AGMO: variants seen among roughly 807,000 people sequenced by gnomAD.
The protein encoded by AGMO is glyceryl-ether monooxygenase.
In AGMO, 75 loss-of-function variants were observed where a neutral mutation model predicts 60.2. That is an observed-to-expected ratio of 1.25 (90% CI 1.03 to 1.51). AGMO has a LOEUF of 1.51. Among genes scored for constraint, AGMO ranks in the 40% most tolerant of loss-of-function variants. The probability of loss-of-function intolerance (pLI) is 0.00; values close to 1 mark genes in which losing one functional copy is unlikely to be tolerated. For synonymous variants in AGMO, 261 were observed against 177.1 expected (o/e 1.47, Z -3.76); for missense variants, 763 against 525.5 (o/e 1.45, Z -4.42).
chr7:15,303,428 G>C (rs1012596663), intron 12 of AGMO, among the ~76,000 whole-genome samples: 13 of 141,722 alleles, frequency 9.2e-5, no homozygotes, highest in African/African-American at 2.8e-4. Context: ...GAAGAGAATG[G>C]AAAAACAGAA....
chr7:15,153,832 G>A, the AGMO span, among the ~76,000 whole-genome samples: 1 of 151,930 alleles, frequency 6.6e-6, no homozygotes, highest in African/African-American at 2.4e-5. Flanking sequence ...CTATTTTTTG[G>A]TTCCATATGA....
intron 3 of AGMO, among the ~76,000 whole-genome samples, chr7:15,457,269 T>C (rs1421591585): frequency 1.3e-5 from 2 of 152,186 alleles, no homozygotes; most frequent in Admixed American, 6.5e-5. Context: ...ATAACTTTGA[T>C]AAATGCATAT....
At chr7:15,410,403 C>T (rs1314688587) in intron 5 of AGMO, among the ~76,000 whole-genome samples, 3 of 151,448 alleles carry the variant, frequency 2.0e-5, no homozygotes, top group Non-Finnish European at 4.4e-5. Flanking sequence ...ACAAAAAAAC[C>T]CTAAACAATG....
At position 15,297,374 on chromosome 7, in the gene AGMO, G is replaced by A. The variant is rs144657388; in HGVS notation, c.1263+68140C>T. On this transcript the variant is annotated intron_variant, in intron 12 of 12. Transcript: ENST00000342526. ...TTACTATTGTAGTTATTGGCATTATGGAATAAAGTTTTAAATGGACTTTTT... is the reference window on the plus strand; with the variant it reads ...TTACTATTGTAGTTATTGGCATTATAGAATAAAGTTTTAAATGGACTTTTT... Among the ~76,000 whole-genome samples, 1,100 of 152,184 alleles carry A rather than the reference G, an allele frequency of 7.2e-3. 14 individuals are homozygous for A. Among genetic ancestry groups the A allele is most frequent in the African/African-American group, 0.025 (1,046 of 41,512 alleles).
At chr7:15,400,932 T>G (rs1784536714) in intron 5 of AGMO, among the ~76,000 whole-genome samples, 1 of 152,100 alleles carries the variant, frequency 6.6e-6, no homozygotes, top group Non-Finnish European at 1.5e-5. Context: ...ATCCTTATGA[T>G]CCGCCCTATC....
intron 3 of AGMO, among the ~76,000 whole-genome samples, chr7:15,443,386 G>A (rs1177025173): frequency 6.6e-6 from 1 of 152,160 alleles, no homozygotes; most frequent in Non-Finnish European, 1.5e-5. Flanking sequence ...AAAGAAGCAA[G>A]CCACGCCCAT....
At chr7:15,201,414 G>T in intron 12 of AGMO, 55 bp from the exon 13 acceptor site, 1 of 1,224,860 alleles carries the variant, frequency 8.2e-7, no homozygotes, top group South Asian at 1.3e-5. Context: ...CAATACTATT[G>T]CTCAACTGAA....
chr7:15,160,029 T>A, the AGMO span, among the ~76,000 whole-genome samples: 1 of 152,182 alleles, frequency 6.6e-6, no homozygotes, highest in Non-Finnish European at 1.5e-5. Flanking sequence ...TGAATGCTAA[T>A]ATATCACTTT....
chr7:15,406,367 C>T (rs1439608515), intron 5 of AGMO, among the ~76,000 whole-genome samples: 2 of 138,444 alleles, frequency 1.4e-5, no homozygotes, highest in Admixed American at 7.3e-5. Flanking sequence ...TGTATATACA[C>T]ACATACATAT....
At chr7:15,370,888 T>C (rs988816101) in intron 10 of AGMO, among the ~76,000 whole-genome samples, 2 of 152,144 alleles carry the variant, frequency 1.3e-5, no homozygotes, top group Admixed American at 6.6e-5. Flanking sequence ...AAGCTCTTTA[T>C]TGTAACTAGG....
rs1196565744 is a variant in AGMO at position 15,201,018 on chromosome 7, G to C, written c.*267C>G. 2 of 275,530 alleles carry C rather than the reference G, an allele frequency of 7.3e-6. No individual in the cohort carries two copies. The highest frequency in any genetic ancestry group is 1.3e-5 in the Non-Finnish European group (2 of 150,264). 17.1% of individuals were successfully genotyped at this position (275,530 alleles called of 1,614,324 possible). A position where few individuals can be genotyped will look rare whatever the true frequency, so the allele number is the denominator to read the frequency against. On this transcript the variant is annotated 3_prime_UTR_variant, in exon 13 of 13. Coordinates refer to ENST00000342526, the MANE Select transcript of AGMO (RefSeq NM_001004320.2). ...AGTTTCATCCCTTCTTTTTATACTTGTCATATAAGGCTATCAGTTAATATA... is the reference window on the plus strand; with the variant it reads ...AGTTTCATCCCTTCTTTTTATACTTCTCATATAAGGCTATCAGTTAATATA...
At chr7:15,359,690 T>A (rs1782679091) in intron 12 of AGMO, among the ~76,000 whole-genome samples, 1 of 152,222 alleles carries the variant, frequency 6.6e-6, no homozygotes, top group Non-Finnish European at 1.5e-5. Context: ...CTCCTACCCC[T>A]GGTTCATTTC....
the AGMO span, among the ~76,000 whole-genome samples, chr7:15,187,263 A>G: frequency 1.3e-5 from 2 of 152,222 alleles, no homozygotes; most frequent in Admixed American, 1.3e-4. Flanking sequence ...AAGCTTAAAT[A>G]CTGCATCCTG....
intron 12 of AGMO, among the ~76,000 whole-genome samples, chr7:15,272,809 A>C (rs1028182448): frequency 2.6e-5 from 4 of 151,996 alleles, no homozygotes; most frequent in African/African-American, 9.7e-5. Context: ...CTGACTTCTT[A>C]ATTTTAATGA....
intron 12 of AGMO, among the ~76,000 whole-genome samples, chr7:15,270,022 C>G (rs1563062905): frequency 6.6e-6 from 1 of 152,000 alleles, no homozygotes; most frequent in Admixed American, 6.6e-5. Context: ...TGATGGGCAT[C>G]TTAGTTAATT....
intron 12 of AGMO, among the ~76,000 whole-genome samples, chr7:15,362,137 G>T (rs1782793024): frequency 6.6e-6 from 1 of 152,122 alleles, no homozygotes; most frequent in African/African-American, 2.4e-5. Context: ...TTGAAGAACA[G>T]TTTTAATAAA....
intron 12 of AGMO, among the ~76,000 whole-genome samples, chr7:15,277,790 G>A (rs1178265029): frequency 2.0e-5 from 3 of 152,210 alleles, no homozygotes; most frequent in Non-Finnish European, 2.9e-5. Flanking sequence ...GCTGGATAGA[G>A]GTGTCCATTG....
At chr7:15,392,350 C>A (rs995984692) in intron 6 of AGMO, among the ~76,000 whole-genome samples, 19 of 151,676 alleles carry the variant, frequency 1.3e-4, no homozygotes, top group Non-Finnish European at 2.6e-4. Flanking sequence ...GGATTACAGG[C>A]GTGAGTCAAC....
At chr7:15,436,860 C>T (rs567593515) in intron 3 of AGMO, among the ~76,000 whole-genome samples, 1 of 152,064 alleles carries the variant, frequency 6.6e-6, no homozygotes, top group Admixed American at 6.5e-5. Context: ...TTAAAGAGCT[C>T]AACACATGCT....
Sources: gnomAD v4.1 joint callset for allele counts (sites outside exome capture counted in the v4.1 genomes callset) on GRCh38, gnomAD v4.1.1 for gene constraint, MANE v1.5 for transcripts, NCBI Gene and HGNC (gene_info 2026-07-23, HGNC 2026-07-21) for gene names.